The following FBRSL1 variants were observed in gnomAD, a reference collection of about 807,000 sequenced individuals.
The protein encoded by FBRSL1 is fibrosin-1-like protein.
A neutral mutation model predicts 89.6 loss-of-function variants in FBRSL1; 51 were observed. The observed-to-expected ratio is 0.57, with a 90% CI of 0.45 to 0.72. The LOEUF is 0.72. Ranked by LOEUF, FBRSL1 falls within the 30% of genes least tolerant of loss-of-function variation. The pLI is 0.00. For missense variants in FBRSL1, 1,618 were observed against 1,451.8 expected (o/e 1.11, Z -1.86); for synonymous variants, 779 against 681.1 (o/e 1.14, Z -2.24).
intron 1 of FBRSL1, among the ~76,000 whole-genome samples, chr12:132,501,854 G>C (rs536229956): frequency 1.3e-5 from 2 of 152,162 alleles, no homozygotes; most frequent in Non-Finnish European, 2.9e-5. Context: ...TCCTTCCTTC[G>C]ACTGCCCAGA....
chr12:132,574,686 G>C, intron 14 of FBRSL1, 122 bp downstream of exon 14: 1 of 1,247,410 alleles, frequency 8.0e-7, no homozygotes, highest in South Asian at 1.5e-5. Context: ...ATCCTCACGC[G>C]TGAGCCGCCT....
chr12:132,534,400 C>T (rs2036544411), intron 4 of FBRSL1, among the ~76,000 whole-genome samples: 3 of 152,242 alleles, frequency 2.0e-5, no homozygotes, highest in South Asian at 2.1e-4. Context: ...GAGGAGACCT[C>T]GCCTCCATCT....
chr12:132,536,831 A>G (rs1453129142), intron 4 of FBRSL1, among the ~76,000 whole-genome samples: 2 of 152,224 alleles, frequency 1.3e-5, no homozygotes, highest in African/African-American at 2.4e-5. Flanking sequence ...GTATAACTGC[A>G]TGTGCATGCA....
rs189226199 is a variant in FBRSL1 at position 132,517,173 on chromosome 12, A to T, written c.490-8561A>T. Among the ~76,000 whole-genome samples, 3 of 152,162 alleles carry T rather than the reference A, an allele frequency of 2.0e-5. No homozygotes were observed. In the East Asian group the frequency reaches 5.8e-4, roughly 30 times the overall value. On this transcript the variant is annotated intron_variant, in intron 2 of 18. Transcript: ENST00000680143. The stretch of plus-strand genomic sequence containing the variant: ...CCTGGGCCTGCCACCTGCAGGGAGC[A>T]GCAGGCTGGGTCACAGGGTCCTAGA...
chr12:132,540,827 A>T (rs2037198209), intron 4 of FBRSL1, among the ~76,000 whole-genome samples: 1 of 152,078 alleles, frequency 6.6e-6, no homozygotes, highest in South Asian at 2.1e-4. Context: ...AGATCCCCAG[A>T]TCCCCAGATC....
rs2040916726 is a variant in FBRSL1 at position 132,583,281 on chromosome 12, C to G, written c.2512C>G (p.Leu838Val). The G allele has an allele frequency of 7.9e-7, 1 of 1,267,522 alleles. No individual in the cohort carries two copies. Among genetic ancestry groups the G allele is most frequent in the Admixed American group, 4.5e-5 (1 of 22,458 alleles). 78.5% of individuals were successfully genotyped at this position (1,267,522 alleles called of 1,614,324 possible). A position where few individuals can be genotyped will look rare whatever the true frequency, so the allele number is the denominator to read the frequency against. ...CGGCCTGCACCCCGCGCCCCTGCAGCTCGGCCTGGGCCGCGAGCGCCTGGG... is the reference window on the plus strand; with the variant it reads ...CGGCCTGCACCCCGCGCCCCTGCAGGTCGGCCTGGGCCGCGAGCGCCTGGG... ...AGGLHPAPLQ[L>V]GLGRERLGAP... The change falls in exon 19 of 19, where the codon CTC becomes GTC. Residue 838 changes from leucine to valine, a missense_variant. By Grantham distance (32) the Leu-to-Val change is conservative. Transcript: ENST00000680143.
rs1195414787 is a variant in FBRSL1 at position 132,499,577 on chromosome 12, G to A, written c.292-8576G>A. Reference sequence around the variant, plus strand: ...GCCACGAGGGCTTCTGGGGAAGAGTGCAGGCTGTGAGGGGCAGCACCGTGG... The same window carrying A: ...GCCACGAGGGCTTCTGGGGAAGAGTACAGGCTGTGAGGGGCAGCACCGTGG... On this transcript the variant is annotated intron_variant, in intron 1 of 18. Coordinates refer to ENST00000680143, the MANE Select transcript of FBRSL1 (RefSeq NM_001367871.1). The surrounding 1 kb of genome is among the most constrained non-coding windows in gnomAD (Gnocchi z 4.3). Among the ~76,000 whole-genome samples, 10 of 152,158 alleles carry A rather than the reference G, an allele frequency of 6.6e-5. No individual in the cohort carries two copies. In the East Asian group the frequency reaches 1.9e-3, roughly 29 times the overall value.
At chr12:132,526,209 A>AGGCG (rs2035779420) in intron 3 of FBRSL1, among the ~76,000 whole-genome samples, 1 of 152,252 alleles carries the variant, frequency 6.6e-6, no homozygotes, top group South Asian at 2.1e-4. Context: ...GGTGGAGGGC[A>AGGCG]GGCGGACGGC....
In FBRSL1 at chr12:132,581,741, A is replaced by AC; in HGVS notation, c.1916dup (p.Ser641GlnfsTer48). On this transcript the variant is annotated frameshift_variant and splice_region_variant, in exon 17 of 19. Coordinates refer to ENST00000680143, the MANE Select transcript of FBRSL1 (RefSeq NM_001367871.1). LOFTEE classifies it high-confidence loss of function. ...CTGGGTCCCGCGGTTGCCCCCACAG[A>AC]CCCTTTCAGCAGACCGAGCACCTTT... 6.5e-7 allele frequency: 1 copy of AC among 1,549,930 alleles called. No homozygotes were observed. Among genetic ancestry groups the AC allele is most frequent in the Non-Finnish European group, 8.7e-7 (1 of 1,146,762 alleles).
intron 6 of FBRSL1, 68 bp downstream of exon 6, chr12:132,567,594 G>A (rs2039717127): frequency 1.4e-6 from 2 of 1,465,980 alleles, no homozygotes; most frequent in African/African-American, 2.8e-5. Flanking sequence ...CGTCTTGGCG[G>A]CAGGACATCC....
intron 1 of FBRSL1, among the ~76,000 whole-genome samples, chr12:132,500,695 G>A (rs531964808): frequency 2.6e-5 from 4 of 151,840 alleles, no homozygotes; most frequent in African/African-American, 9.7e-5. Context: ...CCCTTACAGG[G>A]ATCCCAGGCC....
At chr12:132,564,596 C>T (rs112997241) in intron 5 of FBRSL1, among the ~76,000 whole-genome samples, 1 of 118,176 alleles carries the variant, frequency 8.5e-6, no homozygotes, top group Non-Finnish European at 1.7e-5. Flanking sequence ...CCCGGGTTCA[C>T]GCCATTCTCC....
intron 2 of FBRSL1, among the ~76,000 whole-genome samples, 176 bp downstream of exon 2, chr12:132,508,526 C>T (rs2033958606): frequency 6.6e-6 from 1 of 152,206 alleles, no homozygotes; most frequent in South Asian, 2.1e-4. Flanking sequence ...CTAGCAGAGG[C>T]AGGAGCCGGC....
intron 5 of FBRSL1, among the ~76,000 whole-genome samples, chr12:132,562,359 G>A (rs2039201930): frequency 6.6e-6 from 1 of 152,116 alleles, no homozygotes; most frequent in Admixed American, 6.5e-5. Flanking sequence ...AGGGTCATCG[G>A]GGCCCTGGAC....
At chr12:132,567,418 G>A (rs1357842286) in intron 5 of FBRSL1, 63 bp from the exon 6 acceptor site, 4 of 1,512,612 alleles carry the variant, frequency 2.6e-6, no homozygotes, top group Non-Finnish European at 1.8e-6. Flanking sequence ...TGGGCATTGG[G>A]CGCAAGGTCC....
chr12:132,518,530 GCATC>G (rs1421786197), intron 2 of FBRSL1, among the ~76,000 whole-genome samples: 1 of 132,414 alleles, frequency 7.6e-6, no homozygotes, highest in African/African-American at 3.0e-5. Flanking sequence ...ATGCATGCAT[GCATC>G]CATCCATCCA....
intron 1 of FBRSL1, among the ~76,000 whole-genome samples, chr12:132,505,201 G>A (rs541425020): frequency 3.3e-5 from 5 of 152,332 alleles, no homozygotes; most frequent in South Asian, 4.1e-4. Flanking sequence ...CGGTGAACAC[G>A]ATGAAGTGGG....
chr12:132,526,973 G>A (rs2035838036), intron 3 of FBRSL1, among the ~76,000 whole-genome samples: 1 of 152,144 alleles, frequency 6.6e-6, no homozygotes, highest in Non-Finnish European at 1.5e-5. Flanking sequence ...AGGGTGTGGG[G>A]GACCTCAGCA....
intron 5 of FBRSL1, among the ~76,000 whole-genome samples, chr12:132,550,458 G>A (rs368504735): frequency 4.6e-5 from 7 of 152,306 alleles, no homozygotes; most frequent in South Asian, 2.1e-4. Flanking sequence ...CTGTGGCCCC[G>A]TTTGCTTCTG....
Sources: gnomAD v4.1 joint callset for allele counts (sites outside exome capture counted in the v4.1 genomes callset) on GRCh38, gnomAD v4.1.1 for gene constraint, Gnocchi (gnomAD v3.1) non-coding constraint, MANE v1.5 for transcripts, NCBI Gene and HGNC (gene_info 2026-07-23, HGNC 2026-07-21) for gene names.